ERBB4: variants seen among roughly 807,000 people sequenced by gnomAD.
ERBB4 encodes the protein erb-b2 receptor tyrosine kinase 4, also known as receptor tyrosine-protein kinase erbB-4.
A neutral mutation model predicts 158.0 loss-of-function variants in ERBB4; 42 were observed. The observed-to-expected ratio is 0.27, with a 90% CI of 0.21 to 0.34. The LOEUF is 0.34. ERBB4 is among the 10% of genes least tolerant of loss of function. The pLI is 1.00. For missense variants in ERBB4, 1,333 were observed against 1,624.1 expected, an observed-to-expected ratio of 0.82 and a Z score of 3.08; for synonymous variants, 583 against 558.7, an observed-to-expected ratio of 1.04 and a Z score of -0.61.
intron 1 of ERBB4, among the ~76,000 whole-genome samples, chr2:212,366,959 C>A (rs1431782603): frequency 6.6e-6 from 1 of 151,900 alleles, no homozygotes; most frequent in African/African-American, 2.4e-5. Context: ...CCCTAACCCC[C>A]AATGTGACTG....
chr2:212,218,535 G>A (rs913954144), intron 1 of ERBB4, among the ~76,000 whole-genome samples: 2 of 151,316 alleles, frequency 1.3e-5, no homozygotes, highest in African/African-American at 2.4e-5. Flanking sequence ...TTAAGCCTGT[G>A]AGAGAACATC....
chr2:211,425,172 CAAT>C (rs1326469985), intron 22 of ERBB4, among the ~76,000 whole-genome samples: 1 of 151,940 alleles, frequency 6.6e-6, no homozygotes, highest in Admixed American at 6.6e-5. Context: ...TAGCTGGGCA[CAAT>C]AATATTACAA....
intron 2 of ERBB4, among the ~76,000 whole-genome samples, chr2:212,064,761 C>A (rs1308830079): frequency 6.6e-6 from 1 of 151,524 alleles, no homozygotes; most frequent in South Asian, 2.1e-4. Flanking sequence ...GAGTACAAAG[C>A]GATTTGGTAG....
Position 212,353,788 on chromosome 2 carries a change from A to G in ERBB4, c.82+184661T>C, listed in dbSNP as rs559828097. ...ATCATAAGACTCATGGGACAGACTA[A>G]ATAAATGTCCCCTGTTACACTTGAA... On this transcript the variant is annotated intron_variant, in intron 1 of 27. Coordinates refer to ENST00000342788, the MANE Select transcript of ERBB4 (RefSeq NM_005235.3). Among the ~76,000 whole-genome samples the G allele has an allele frequency of 6.8e-5, 8 of 116,792 alleles. No homozygotes were observed. In the South Asian group the frequency reaches 2.2e-3, roughly 32 times the overall value. The allele number at this position is 116,792 out of a possible 152,430, so 76.6% of individuals were successfully genotyped here. A position where few individuals can be genotyped will look rare whatever the true frequency, so the allele number is the denominator to read the frequency against.
chr2:211,951,257 A>C (rs1453366346), intron 2 of ERBB4, among the ~76,000 whole-genome samples: 1 of 152,196 alleles, frequency 6.6e-6, no homozygotes, highest in Admixed American at 6.6e-5. Context: ...CAGAGAAAAC[A>C]CAGATGAAGC....
At position 211,879,651 on chromosome 2, in the gene ERBB4, T is replaced by C. The variant is rs146014743; in HGVS notation, c.421+67779A>G. 1.1e-4 allele frequency among the ~76,000 whole-genome samples: 17 copies of C among 152,238 alleles called. No individual in the cohort carries two copies. The East Asian group carries it at 2.9e-3, about 26-fold the overall frequency. Reference sequence around the variant, plus strand: ...TTGGTGAGACTGCCCTTTTAAGATTTAGCCTAATTAAATAAAAGGGAAAAT... The same window carrying C: ...TTGGTGAGACTGCCCTTTTAAGATTCAGCCTAATTAAATAAAAGGGAAAAT... On this transcript the variant is annotated intron_variant, in intron 3 of 27. Transcript: ENST00000342788.
At chr2:212,129,955 T>C (rs968205102) in intron 1 of ERBB4, among the ~76,000 whole-genome samples, 8 of 152,084 alleles carry the variant, frequency 5.3e-5, no homozygotes, top group African/African-American at 1.9e-4. Flanking sequence ...GAAGAACTGG[T>C]TTGGATAGGC....
intron 3 of ERBB4, among the ~76,000 whole-genome samples, chr2:211,861,070 A>G (rs1370397346): frequency 3.9e-5 from 2 of 50,768 alleles, no homozygotes; most frequent in Non-Finnish European, 3.4e-5. Flanking sequence ...TAAATATAAT[A>G]TATTTATATA....
intron 1 of ERBB4, among the ~76,000 whole-genome samples, chr2:212,127,446 G>A (rs1410418204): frequency 6.6e-6 from 1 of 152,092 alleles, no homozygotes; most frequent in Non-Finnish European, 1.5e-5. Flanking sequence ...CAAACAATTA[G>A]CCGGGCCTGG....
At chr2:211,634,391 T>C (rs1046132880) in intron 16 of ERBB4, among the ~76,000 whole-genome samples, 2 of 152,246 alleles carry the variant, frequency 1.3e-5, no homozygotes, top group South Asian at 2.1e-4. Context: ...ACAGTTAACA[T>C]TATGTACCAT....
At chr2:212,422,687 A>G (rs1406493300) in intron 1 of ERBB4, among the ~76,000 whole-genome samples, 1 of 152,244 alleles carries the variant, frequency 6.6e-6, no homozygotes, top group Non-Finnish European at 1.5e-5. Flanking sequence ...ATGGAGTTCT[A>G]CCTCATCAGT....
chr2:212,489,633 G>T (rs1056205927), intron 1 of ERBB4, among the ~76,000 whole-genome samples: 3 of 151,416 alleles, frequency 2.0e-5, no homozygotes, highest in Non-Finnish European at 2.9e-5. Context: ...TCTAACGTAT[G>T]GTATATTTAA....
intron 19 of ERBB4, among the ~76,000 whole-genome samples, chr2:211,609,727 C>G (rs1180212558): frequency 6.6e-6 from 1 of 152,102 alleles, no homozygotes; most frequent in African/African-American, 2.4e-5. Context: ...GTCTTGCTAC[C>G]TTTCCTCCTA....
intron 25 of ERBB4, among the ~76,000 whole-genome samples, chr2:211,412,412 A>G (rs2063281328): frequency 6.6e-6 from 1 of 152,212 alleles, no homozygotes; most frequent in South Asian, 2.1e-4. Context: ...ATTCCAAGCT[A>G]GATAATCAGC....
chr2:211,553,844 G>T (rs1374987134), intron 20 of ERBB4, among the ~76,000 whole-genome samples: 2 of 152,136 alleles, frequency 1.3e-5, no homozygotes, highest in Non-Finnish European at 2.9e-5. Context: ...AGTGTCCCTT[G>T]TAATTAGTAT....
intron 1 of ERBB4, among the ~76,000 whole-genome samples, chr2:212,520,480 C>A (rs1211798669): frequency 6.6e-6 from 1 of 151,780 alleles, no homozygotes; most frequent in African/African-American, 2.4e-5. Flanking sequence ...ATGGTTTGTC[C>A]CAGAAACTGA....
At chr2:212,360,339 C>T (rs1308824898) in intron 1 of ERBB4, among the ~76,000 whole-genome samples, 2 of 151,620 alleles carry the variant, frequency 1.3e-5, no homozygotes, top group Non-Finnish European at 3.0e-5. Flanking sequence ...ATACTCCTTG[C>T]CCTTTCCCAC....
rs1379776562 is a variant in ERBB4 at position 212,397,463 on chromosome 2, C to T, written c.82+140986G>A. Among the ~76,000 whole-genome samples, 5 of 148,092 alleles carry T rather than the reference C, an allele frequency of 3.4e-5. No homozygotes were observed. The East Asian group carries it at 9.8e-4, about 29-fold the overall frequency. On this transcript the variant is annotated intron_variant, in intron 1 of 27. Transcript: ENST00000342788. ...ACTCAGCCTGGGTGACAGAGCAAGC[C>T]CCTGTCAAAAGACAGAAAAGAAAGA... is the stretch of plus-strand genomic sequence containing the variant.
chr2:211,515,912 A>ATATATATATATATATATATATATATATT (rs35696520), intron 20 of ERBB4, among the ~76,000 whole-genome samples: 2 of 78,986 alleles, frequency 2.5e-5, no homozygotes, highest in Non-Finnish European at 4.8e-5. Context: ...ATATATATAT[A>ATATATATATATATATATATATATATATT]TTTTTTTTTT....
Sources: gnomAD v4.1 joint callset for allele counts (sites outside exome capture counted in the v4.1 genomes callset) on GRCh38, gnomAD v4.1.1 for gene constraint, MANE v1.5 for transcripts, NCBI Gene and HGNC (gene_info 2026-07-23, HGNC 2026-07-21) for gene names.